HDAC4: variants seen among roughly 807,000 people sequenced by gnomAD.
HDAC4 encodes the protein histone deacetylase A.
Under a neutral mutation model 135.1 loss-of-function variants are expected in HDAC4, and 16 were observed. That is an observed-to-expected ratio of 0.12 (90% CI 0.08 to 0.18). The LOEUF is 0.18. HDAC4 is among the 10% of genes least tolerant of loss of function. HDAC4 has a pLI of 1.00. For missense variants in HDAC4, 1,143 were observed against 1,511.8 expected, an observed-to-expected ratio of 0.76 and a Z score of 4.05; for synonymous variants, 685 against 653.4, an observed-to-expected ratio of 1.05 and a Z score of -0.74.
chr2:239,270,255 C>T (rs983792347), intron 2 of HDAC4, among the ~76,000 whole-genome samples: 1 of 152,232 alleles, frequency 6.6e-6, no homozygotes. Flanking sequence ...GAATGGATGA[C>T]GGAAACAGAA....
intron 5 of HDAC4, among the ~76,000 whole-genome samples, chr2:239,172,094 T>C (rs1046789869): frequency 2.6e-5 from 4 of 152,198 alleles, no homozygotes; most frequent in African/African-American, 9.6e-5. Context: ...TCTTGTGATG[T>C]TAAAGATAAG....
intron 4 of HDAC4, chr2:239,187,082 A>C (rs1004707225): frequency 1.2e-4 from 18 of 152,714 alleles, no homozygotes; most frequent in African/African-American, 4.3e-4. Context: ...TGCAGGGCTC[A>C]CCAGGGTGCA....
At chr2:239,116,566 G>A (rs1294910115) in intron 12 of HDAC4, among the ~76,000 whole-genome samples, 1 of 152,212 alleles carries the variant, frequency 6.6e-6, no homozygotes, top group African/African-American at 2.4e-5. Context: ...GCTCCTGGGA[G>A]GCCCCCACCT....
At position 239,141,317 on chromosome 2, in the gene HDAC4, C is replaced by T. The variant is rs1022259769; in HGVS notation, c.866-1521G>A. Among the ~76,000 whole-genome samples the T allele has an allele frequency of 4.6e-5, 7 of 152,302 alleles. No homozygotes were observed. The highest frequency in any genetic ancestry group is 3.4e-3 in the Middle Eastern group (1 of 294). On this transcript the variant is annotated intron_variant, in intron 8 of 26. Transcript: ENST00000543185. This position sits in a 1 kb window ranked among gnomAD's most constrained non-coding sequence, Gnocchi z 4.9. ...GTCCACCCAGAAGCCCTACACCAGC[C>T]GCTCCCCATGGCTCTTGGAGCTCAA...
At chr2:239,223,280 G>A (rs929089669) in intron 3 of HDAC4, among the ~76,000 whole-genome samples, 3 of 152,194 alleles carry the variant, frequency 2.0e-5, no homozygotes, top group African/African-American at 7.2e-5. Context: ...GAAGAAGAGA[G>A]GGCACCAAGG....
intron 2 of HDAC4, among the ~76,000 whole-genome samples, chr2:239,334,464 T>C (rs932008676): frequency 6.6e-6 from 1 of 151,944 alleles, no homozygotes; most frequent in Admixed American, 6.6e-5. Context: ...GAGGTTGCAG[T>C]GAGTTGAGAT....
rs1301610324 is a variant in HDAC4 at position 239,282,207 on chromosome 2, T to G, written c.23-45543A>C. ...ACAATGTACACACCACTCTACAATG[T>G]ACACACCTCTCTACACAATGTACAC... is the stretch of plus-strand genomic sequence containing the variant. On this transcript the variant is annotated intron_variant, in intron 2 of 26. Transcript: ENST00000543185. 1.9e-5 allele frequency among the ~76,000 whole-genome samples: 2 copies of G among 107,792 alleles called. 1 individual carries two copies. Among genetic ancestry groups the G allele is most frequent in the Non-Finnish European group, 3.6e-5 (2 of 55,966 alleles). The allele number at this position is 107,792 out of a possible 152,430, so 70.7% of individuals were successfully genotyped here.
intron 5 of HDAC4, among the ~76,000 whole-genome samples, chr2:239,174,435 T>C (rs920561802): frequency 5.3e-5 from 8 of 152,178 alleles, no homozygotes; most frequent in Admixed American, 3.9e-4. Context: ...ACTATCTTAT[T>C]GGTAATCAAA....
rs145532501 is a variant in HDAC4, at chr2:239,111,634, C to T, written c.1870G>A (p.Val624Met). ...QASMEAAGIP[V>M]SFGGHRPLSR... is the part of the protein sequence containing the mutation. ...AGAGGCCTGTGGCCGCCGAAGGACA[C>T]GGGGATGCCGGCGGCCTCCATGGAC... Residue 624 changes from valine to methionine, a missense_variant, in exon 14 of 27, where the codon GTG becomes ATG. This residue lies in a region of HDAC4 where 196 missense variants were observed against 210.7 expected (regional missense o/e 0.93). Transcript: ENST00000543185. The T allele has an allele frequency of 1.2e-5, 20 of 1,608,798 alleles. No individual in the cohort carries two copies. Among genetic ancestry groups the T allele is most frequent in the Middle Eastern group, 1.7e-4 (1 of 6,014 alleles).
rs575149189 is a variant in HDAC4, at chr2:239,354,483, A to C, written c.-219-1565T>G. On this transcript the variant is annotated intron_variant, in intron 1 of 26. Transcript: ENST00000543185. ...GAGAGTCCCTGGCTGATCCCAGCTC[A>C]AGTGCTTTCAGAGGCTTCTGTGTTC... Among the ~76,000 whole-genome samples, 4 of 152,020 alleles carry C rather than the reference A, an allele frequency of 2.6e-5. No homozygotes were observed. In the East Asian group the frequency reaches 7.7e-4, roughly 29 times the overall value.
chr2:239,241,733 T>C (rs1317288474), intron 2 of HDAC4, among the ~76,000 whole-genome samples: 1 of 152,184 alleles, frequency 6.6e-6, no homozygotes, highest in Non-Finnish European at 1.5e-5. Flanking sequence ...GATGTTTGTA[T>C]ACGCTATGAG....
At chr2:239,312,101 T>C (rs1250637836) in intron 2 of HDAC4, among the ~76,000 whole-genome samples, 1 of 152,224 alleles carries the variant, frequency 6.6e-6, no homozygotes. Flanking sequence ...ACCTCGGCGC[T>C]GACATCACTG....
intron 25 of HDAC4, among the ~76,000 whole-genome samples, chr2:239,054,234 T>C (rs932084131): frequency 1.3e-5 from 2 of 152,036 alleles, no homozygotes; most frequent in Non-Finnish European, 2.9e-5. Flanking sequence ...CTTGCGACAA[T>C]GACAGGGTGT....
intron 3 of HDAC4, among the ~76,000 whole-genome samples, chr2:239,231,017 T>G (rs1189199013): frequency 6.6e-6 from 1 of 152,244 alleles, no homozygotes. Context: ...AAACACCCCT[T>G]AGATGTGGGA....
chr2:239,201,693 C>T (rs1050901122), intron 3 of HDAC4, among the ~76,000 whole-genome samples: 3 of 152,100 alleles, frequency 2.0e-5, no homozygotes, highest in Non-Finnish European at 4.4e-5. Context: ...AAACAGGTGA[C>T]GAGAGGGGAA....
At chr2:239,084,465 G>GCACACACACACA in intron 19 of HDAC4, among the ~76,000 whole-genome samples, 1 of 108,028 alleles carries the variant, frequency 9.3e-6, no homozygotes, top group African/African-American at 3.3e-5. Context: ...GCGTGCGCGC[G>GCACACACACACA]CACACACACA....
chr2:239,178,818 A>C (rs926554861), intron 4 of HDAC4, among the ~76,000 whole-genome samples: 1 of 152,206 alleles, frequency 6.6e-6, no homozygotes, highest in Non-Finnish European at 1.5e-5. Flanking sequence ...TTAGTGAATC[A>C]GGGGCTCCGG....
At chr2:239,369,473 TCAGA>T (rs1188787445) in intron 1 of HDAC4, among the ~76,000 whole-genome samples, 15 of 152,326 alleles carry the variant, frequency 9.8e-5, no homozygotes, top group African/African-American at 3.4e-4. Flanking sequence ...TGAGCGAAAC[TCAGA>T]GGTTCGTTAA....
At chr2:239,151,398 C>A (rs979358835) in intron 7 of HDAC4, among the ~76,000 whole-genome samples, 18 of 152,306 alleles carry the variant, frequency 1.2e-4, no homozygotes, top group African/African-American at 3.1e-4. Context: ...CCTCACCAAG[C>A]GGGACAGCTT....
Sources: gnomAD v4.1 joint callset for allele counts (sites outside exome capture counted in the v4.1 genomes callset) on GRCh38, gnomAD v4.1.1 for gene constraint, gnomAD v4.1.1 regional missense constraint, Gnocchi (gnomAD v3.1) non-coding constraint, MANE v1.5 for transcripts, NCBI Gene and HGNC (gene_info 2026-07-23, HGNC 2026-07-21) for gene names.